Variants in FHIT observed in about 807,000 individuals in gnomAD.
The protein encoded by FHIT is fragile histidine triad diadenosine triphosphatase, also known as bis(5'-adenosyl)-triphosphatase.
FHIT carries 19 observed loss-of-function variants against 17.9 expected under a neutral mutation model. That is an observed-to-expected ratio of 1.06 (90% CI 0.74 to 1.56). The LOEUF (loss-of-function observed/expected upper bound fraction) is 1.56, where lower values mean the gene tolerates loss of function less well. FHIT is among the 40% of genes most tolerant of loss of function. The probability of loss-of-function intolerance (pLI) is 0.00; values close to 1 mark genes in which losing one functional copy is unlikely to be tolerated. For missense variants in FHIT, 248 were observed against 189.2 expected (o/e 1.31, Z -1.82); for synonymous variants, 81 against 69.7 (o/e 1.16, Z -0.81).
At chr3:60,222,919 C>A (rs1233025618) in intron 5 of FHIT, among the ~76,000 whole-genome samples, 2 of 152,112 alleles carry the variant, frequency 1.3e-5, no homozygotes, top group African/African-American at 4.8e-5. Context: ...AAAGTAATGG[C>A]AAAAACCTCA....
intron 5 of FHIT, among the ~76,000 whole-genome samples, chr3:60,358,672 A>G (rs970742019): frequency 2.0e-5 from 3 of 152,202 alleles, no homozygotes; most frequent in Non-Finnish European, 4.4e-5. Flanking sequence ...CAGATACAAC[A>G]TGGTAGGTCT....
At chr3:60,158,817 T>C (rs935979980) in intron 5 of FHIT, among the ~76,000 whole-genome samples, 12 of 152,126 alleles carry the variant, frequency 7.9e-5, no homozygotes, top group African/African-American at 2.9e-4. Flanking sequence ...CTATGCAGAA[T>C]GAATCTCCCT....
At chr3:60,359,617 C>G (rs1371079990) in intron 5 of FHIT, among the ~76,000 whole-genome samples, 1 of 152,164 alleles carries the variant, frequency 6.6e-6, no homozygotes, top group East Asian at 1.9e-4. Context: ...TGTGACAGCC[C>G]ATGACCCCTT....
At chr3:60,929,462 C>T (rs1559840023) in intron 3 of FHIT, among the ~76,000 whole-genome samples, 1 of 152,076 alleles carries the variant, frequency 6.6e-6, no homozygotes, top group Non-Finnish European at 1.5e-5. Flanking sequence ...TCTAGAAAAC[C>T]CCATCATCTC....
intron 4 of FHIT, among the ~76,000 whole-genome samples, chr3:60,745,587 G>C (rs1354435849): frequency 6.6e-6 from 1 of 152,146 alleles, no homozygotes; most frequent in Non-Finnish European, 1.5e-5. Context: ...ACACAGAGTA[G>C]ATCCAGGTAG....
intron 5 of FHIT, among the ~76,000 whole-genome samples, chr3:60,101,089 G>C (rs1195458131): frequency 1.3e-5 from 2 of 152,156 alleles, no homozygotes; most frequent in Non-Finnish European, 2.9e-5. Flanking sequence ...GGGGAACAGG[G>C]CAGTATCTGC....
chr3:60,897,616 G>A (rs1361822608), intron 3 of FHIT, among the ~76,000 whole-genome samples: 1 of 152,032 alleles, frequency 6.6e-6, no homozygotes, highest in East Asian at 1.9e-4. Context: ...CACTATACAT[G>A]GGAATGTATG....
intron 2 of FHIT, among the ~76,000 whole-genome samples, chr3:61,059,372 C>CTTTTTTTTTT (rs201797361): frequency 3.5e-5 from 4 of 113,278 alleles, no homozygotes; most frequent in Non-Finnish European, 5.4e-5. Flanking sequence ...TTGCTTTTTC[C>CTTTTTTTTTT]TTTTTTTTTT....
chr3:61,135,599 AT>A (rs2036894123), intron 2 of FHIT, among the ~76,000 whole-genome samples: 1 of 149,710 alleles, frequency 6.7e-6, no homozygotes, highest in Non-Finnish European at 1.5e-5. Context: ...ACACACACAC[AT>A]ACACACACAC....
At chr3:61,069,745 A>G (rs1348173808) in intron 2 of FHIT, among the ~76,000 whole-genome samples, 5 of 152,174 alleles carry the variant, frequency 3.3e-5, no homozygotes, top group Non-Finnish European at 7.4e-5. Context: ...TGCCCCACAC[A>G]TAGTATATGT....
chr3:60,218,292 T>C (rs1283521321), intron 5 of FHIT, among the ~76,000 whole-genome samples: 4 of 152,110 alleles, frequency 2.6e-5, no homozygotes, highest in African/African-American at 9.7e-5. Context: ...TGTAGTTAAA[T>C]ATATTTTATG....
At chr3:60,056,383 G>T (rs114882228) in intron 5 of FHIT, among the ~76,000 whole-genome samples, 33 of 152,288 alleles carry the variant, frequency 2.2e-4, no homozygotes, top group African/African-American at 7.5e-4. Flanking sequence ...GAGGGGGGAA[G>T]AATAAAATGC....
rs532510988 is a variant in FHIT at position 60,078,207 on chromosome 3, T to C, written c.104-64055A>G. On this transcript the variant is annotated intron_variant, in intron 5 of 9. Coordinates refer to ENST00000492590, the MANE Select transcript of FHIT (RefSeq NM_002012.4). ...AAGTATATTCCTATAAGATACTTAT[T>C]GATTACAAAAGGAAAAATAGCAATT... Among the ~76,000 whole-genome samples the C allele has an allele frequency of 7.9e-5, 12 of 152,258 alleles. No homozygotes were observed. In the South Asian group the frequency reaches 2.1e-3, roughly 26 times the overall value.
chr3:60,139,376 A>G (rs772188039), intron 5 of FHIT, among the ~76,000 whole-genome samples: 1 of 75,954 alleles, frequency 1.3e-5, no homozygotes, highest in Non-Finnish European at 2.5e-5. Context: ...TAATTTAACC[A>G]GAGAACTAAA....
intron 8 of FHIT, among the ~76,000 whole-genome samples, chr3:59,863,542 C>G (rs1030410793): frequency 2.0e-5 from 3 of 152,180 alleles, no homozygotes; most frequent in Non-Finnish European, 4.4e-5. Context: ...CCCTGAGTGA[C>G]CATAAACCCA....
At chr3:60,018,348 A>G (rs1004755895) in intron 5 of FHIT, among the ~76,000 whole-genome samples, 3 of 152,210 alleles carry the variant, frequency 2.0e-5, no homozygotes, top group Non-Finnish European at 2.9e-5. Context: ...CCTACCGCCA[A>G]CATCAGGGAT....
Position 60,563,340 on chromosome 3 carries a change from A to C in FHIT, c.-17-26361T>G, listed in dbSNP as rs561336039. On this transcript the variant is annotated intron_variant, in intron 4 of 9. Transcript: ENST00000492590. ...AGTCAGTGCAGGCATACTTCATTTCACTGCATTTTGCTTTACTGTGCTTCT... is the reference window on the plus strand; with the variant it reads ...AGTCAGTGCAGGCATACTTCATTTCCCTGCATTTTGCTTTACTGTGCTTCT... 3.9e-5 allele frequency among the ~76,000 whole-genome samples: 6 copies of C among 152,302 alleles called. No homozygotes were observed. In the South Asian group the frequency reaches 1.2e-3, roughly 32 times the overall value.
chr3:60,356,871 G>A (rs959254582), intron 5 of FHIT, among the ~76,000 whole-genome samples: 1 of 151,222 alleles, frequency 6.6e-6, no homozygotes, highest in Non-Finnish European at 1.5e-5. Context: ...ACATCTTTCA[G>A]GCAGAGAACA....
intron 5 of FHIT, among the ~76,000 whole-genome samples, chr3:60,064,224 AG>A (rs1394919144): frequency 6.6e-6 from 1 of 152,232 alleles, no homozygotes; most frequent in African/African-American, 2.4e-5. Context: ...GAAACATAAA[AG>A]TAAAATAATT....
Sources: allele counts gnomAD v4.1 joint callset (sites outside exome capture counted in the v4.1 genomes callset), GRCh38; gene constraint gnomAD v4.1.1; transcripts MANE v1.5; gene names NCBI Gene and HGNC (gene_info 2026-07-23, HGNC 2026-07-21).